Variants in ADAMTS3 observed in about 807,000 individuals in gnomAD.
ADAMTS3 encodes ADAM metallopeptidase with thrombospondin type 1 motif 3.
ADAMTS3 carries 73 observed loss-of-function variants against 129.0 expected under a neutral mutation model. The ratio of observed to expected loss-of-function variants is 0.57; its 90% confidence interval spans 0.47 to 0.69. The LOEUF is 0.69. ADAMTS3 is among the 30% of genes least tolerant of loss of function. ADAMTS3 has a pLI of 0.00. For missense variants in ADAMTS3, 1,457 were observed against 1,514.5 expected, an observed-to-expected ratio of 0.96 and a Z score of 0.63; for synonymous variants, 477 against 510.8, an observed-to-expected ratio of 0.93 and a Z score of 0.89.
At chr4:72,538,337 T>C (rs1217694853) in intron 3 of ADAMTS3, among the ~76,000 whole-genome samples, 1 of 152,104 alleles carries the variant, frequency 6.6e-6, no homozygotes, top group African/African-American at 2.4e-5. Context: ...CCAAAATACA[T>C]TGTAATTAAA....
At position 72,453,872 on chromosome 4, in the gene ADAMTS3, T is replaced by C. The variant is rs540731598; in HGVS notation, c.505-38901A>G. Among the ~76,000 whole-genome samples the C allele has an allele frequency of 1.0e-4, 15 of 149,474 alleles. No homozygotes were observed. In the East Asian group the frequency reaches 3.0e-3, roughly 29 times the overall value. Reference sequence around the variant, plus strand: ...AGGAGAGGCTCCCCTCTGCAACATATTTATATTATACTATATTATATTATA... The same window carrying C: ...AGGAGAGGCTCCCCTCTGCAACATACTTATATTATACTATATTATATTATA... On this transcript the variant is annotated intron_variant, in intron 3 of 21. Transcript: ENST00000286657.
At chr4:72,462,679 C>T (rs780776415) in intron 3 of ADAMTS3, among the ~76,000 whole-genome samples, 1 of 151,280 alleles carries the variant, frequency 6.6e-6, no homozygotes. Context: ...TGTGTATGTT[C>T]GTGTTTTAGT....
intron 5 of ADAMTS3, among the ~76,000 whole-genome samples, chr4:72,337,475 AAAC>A (rs1306167234): frequency 5.9e-5 from 9 of 152,300 alleles, no homozygotes; most frequent in African/African-American, 1.9e-4. Context: ...GCAAACAAAA[AAAC>A]AACAGGAAAT....
intron 3 of ADAMTS3, among the ~76,000 whole-genome samples, chr4:72,530,857 T>A (rs1220263445): frequency 1.6e-5 from 2 of 128,452 alleles, no homozygotes; most frequent in African/African-American, 5.9e-5. Flanking sequence ...TATAATATTT[T>A]ATATGATATA....
chr4:72,332,898 A>C (rs1719886647), intron 5 of ADAMTS3, among the ~76,000 whole-genome samples: 1 of 152,192 alleles, frequency 6.6e-6, no homozygotes, highest in South Asian at 2.1e-4. Flanking sequence ...AAGACATCAG[A>C]GTTTTATCTA....
At chr4:72,411,310 T>C (rs1405665844) in intron 4 of ADAMTS3, among the ~76,000 whole-genome samples, 2 of 152,108 alleles carry the variant, frequency 1.3e-5, no homozygotes, top group African/African-American at 4.8e-5. Flanking sequence ...GAAATAGAAA[T>C]AGATATTTTC....
chr4:72,434,821 C>T (rs1047352601), intron 3 of ADAMTS3, among the ~76,000 whole-genome samples: 25 of 151,954 alleles, frequency 1.6e-4, no homozygotes, highest in Non-Finnish European at 2.9e-4. Context: ...AGAGAATCTT[C>T]CGCTGGCCTT....
intron 3 of ADAMTS3, among the ~76,000 whole-genome samples, chr4:72,487,458 A>C (rs779801621): frequency 2.6e-5 from 4 of 152,140 alleles, no homozygotes; most frequent in Non-Finnish European, 5.9e-5. Flanking sequence ...CCAATCAGCA[A>C]AACAAAATTT....
chr4:72,472,922 G>T (rs115155594), intron 3 of ADAMTS3, among the ~76,000 whole-genome samples: 1 of 152,194 alleles, frequency 6.6e-6, no homozygotes, highest in African/African-American at 2.4e-5. Context: ...CCATGAGTAT[G>T]AGTGAAAGAG....
intron 10 of ADAMTS3, among the ~76,000 whole-genome samples, chr4:72,316,603 G>C (rs905534380): frequency 2.6e-5 from 4 of 151,886 alleles, no homozygotes; most frequent in African/African-American, 9.7e-5. Context: ...CAGGAGAATC[G>C]CTGGAACCCA....
chr4:72,548,787 G>C lies in ADAMTS3; in HGVS notation c.195C>G (p.His65Gln). ...ACACGTCCCTCGCTGACCTCTTTTT[G>C]TGACTCGCAGAAAGAGTATGGGAGA... The part of the protein sequence containing the change: ...RYLSHTLSAS[H>Q]KKRSARDVSS... Residue 65 changes from histidine (H) to glutamine (Q), a missense_variant, in exon 3 of 22, where the codon CAC becomes CAG. Physicochemically the swap from His to Gln is conservative, Grantham distance 24. Transcript: ENST00000286657. The C allele has an allele frequency of 6.2e-7, 1 of 1,613,856 alleles. No homozygotes were observed. The highest frequency in any genetic ancestry group is 8.5e-7 in the Non-Finnish European group (1 of 1,179,872).
At chr4:72,508,354 A>G (rs909777083) in intron 3 of ADAMTS3, among the ~76,000 whole-genome samples, 65 of 152,226 alleles carry the variant, frequency 4.3e-4, no homozygotes, top group African/African-American at 1.4e-3. Flanking sequence ...TCCCACCAAT[A>G]ACCTAAAAAA....
At chr4:72,406,385 A>G (rs911362186) in intron 4 of ADAMTS3, among the ~76,000 whole-genome samples, 2 of 152,156 alleles carry the variant, frequency 1.3e-5, no homozygotes, top group African/African-American at 4.8e-5. Context: ...AGATAACGGA[A>G]CTACTTTTTC....
chr4:72,557,943 C>A (rs1293874901), intron 2 of ADAMTS3, among the ~76,000 whole-genome samples: 1 of 151,796 alleles, frequency 6.6e-6, no homozygotes, highest in Non-Finnish European at 1.5e-5. Flanking sequence ...TATTTAGCAT[C>A]ATTAAGAATC....
At chr4:72,557,324 A>T (rs1721792441) in intron 2 of ADAMTS3, among the ~76,000 whole-genome samples, 1 of 151,788 alleles carries the variant, frequency 6.6e-6, no homozygotes, top group Non-Finnish European at 1.5e-5. Context: ...CAAATGCCAA[A>T]GGGCTCAGCA....
chr4:72,532,367 G>A (rs1721066345), intron 3 of ADAMTS3, among the ~76,000 whole-genome samples: 1 of 152,062 alleles, frequency 6.6e-6, no homozygotes, highest in African/African-American at 2.4e-5. Context: ...CAACACAGGA[G>A]GACTTTCCAG....
In ADAMTS3 at chr4:72,283,210, C is replaced by T. The variant is rs1162393923; in HGVS notation, c.3544G>A (p.Ala1182Thr). 6.2e-7 allele frequency: 1 copy of T among 1,613,716 alleles called. No individual in the cohort carries two copies. Among genetic ancestry groups the T allele is most frequent in the Non-Finnish European group, 8.5e-7 (1 of 1,179,922 alleles). Residue 1182 changes from alanine (A) to threonine (T), a missense_variant, in exon 22 of 22, where the codon GCA becomes ACA. Coordinates refer to ENST00000286657, the MANE Select transcript of ADAMTS3 (RefSeq NM_014243.3). Reference sequence around the variant, plus strand: ...TTTCCATCTTTCTTTGAGGTTCTTGCCTGAGAAGAAGCACCTATTGAATCA... The same window carrying T: ...TTTCCATCTTTCTTTGAGGTTCTTGTCTGAGAAGAAGCACCTATTGAATCA... ...ASDSIGASSQ[A>T]RTSKKDGKII...
intron 4 of ADAMTS3, among the ~76,000 whole-genome samples, chr4:72,370,425 T>C (rs1720976686): frequency 6.6e-6 from 1 of 152,232 alleles, no homozygotes; most frequent in African/African-American, 2.4e-5. Flanking sequence ...ATCAATCTGC[T>C]TATTGTATCA....
chr4:72,296,966 G>A (rs535194946), intron 18 of ADAMTS3, among the ~76,000 whole-genome samples: 1 of 152,096 alleles, frequency 6.6e-6, no homozygotes, highest in African/African-American at 2.4e-5. Flanking sequence ...TCCGAAATTT[G>A]GGCCTGTTTA....
Sources: gnomAD v4.1 joint callset for allele counts (sites outside exome capture counted in the v4.1 genomes callset) on GRCh38, gnomAD v4.1.1 for gene constraint, MANE v1.5 for transcripts, NCBI Gene and HGNC (gene_info 2026-07-23, HGNC 2026-07-21) for gene names.